TMEM87A: variants seen among roughly 807,000 people sequenced by gnomAD.
TMEM87A encodes the protein transmembrane protein 87A, also known as Golgi-pH regulating cation channel.
A neutral mutation model predicts 90.0 loss-of-function variants in TMEM87A; 50 were observed. The ratio of observed to expected loss-of-function variants is 0.56; its 90% CI spans 0.44 to 0.70. TMEM87A has a LOEUF of 0.70. Among genes scored for constraint, TMEM87A ranks in the 30% least tolerant of loss-of-function variants. The probability of loss-of-function intolerance (pLI) is 0.00; values close to 1 mark genes in which losing one functional copy is unlikely to be tolerated. For missense variants in TMEM87A, 577 were observed against 660.5 expected (o/e 0.87, Z 1.39); for synonymous variants, 226 against 226.7 (o/e 1.00, Z 0.03).
intron 4 of TMEM87A, among the ~76,000 whole-genome samples, chr15:42,261,822 G>C (rs1450886267): frequency 2.0e-5 from 3 of 152,048 alleles, no homozygotes; most frequent in South Asian, 2.1e-4. Context: ...TTTTAGTAGA[G>C]ACAGGGTTTC....
chr15:42,223,328 G>A (rs1200875547), intron 15 of TMEM87A, among the ~76,000 whole-genome samples: 3 of 152,104 alleles, frequency 2.0e-5, no homozygotes, highest in South Asian at 2.1e-4. Flanking sequence ...AGGAGGTGGA[G>A]GTTGTAGTGG....
At chr15:42,220,194 C>T (rs2050451611) in intron 15 of TMEM87A, 59 bp from the exon 16 acceptor site, 1 of 1,296,412 alleles carries the variant, frequency 7.7e-7, no homozygotes, top group Non-Finnish European at 1.1e-6. Flanking sequence ...ACTGCTATAC[C>T]AGTTGCATTT....
rs543303068 is a variant in TMEM87A, at chr15:42,236,136, A to T, written c.968+184T>A. On this transcript the variant is annotated intron_variant, in intron 10 of 19. Coordinates refer to ENST00000389834, the MANE Select transcript of TMEM87A (RefSeq NM_015497.5). ...ATTTGGAAGTATGGAATATATTTGG[A>T]AGTATGGAAAATGAAACACATTTTC... Among the ~76,000 whole-genome samples the T allele has an allele frequency of 1.8e-4, 28 of 152,306 alleles. No homozygotes were observed. The South Asian group carries it at 5.8e-3, about 32-fold the overall frequency.
At chr15:42,242,568 A>AAGAGAG (rs970801330) in intron 7 of TMEM87A, among the ~76,000 whole-genome samples, 2 of 145,632 alleles carry the variant, frequency 1.4e-5, no homozygotes, top group African/African-American at 5.6e-5. Flanking sequence ...GAGGAAGAGA[A>AAGAGAG]AGAGAGAGAG....
At chr15:42,227,912 T>C (rs2050625249) in intron 13 of TMEM87A, 143 bp from the exon 14 acceptor site, 1 of 697,832 alleles carries the variant, frequency 1.4e-6, no homozygotes, top group Non-Finnish European at 2.5e-6. Context: ...TTAACAAATG[T>C]ATTCAATACA....
chr15:42,258,251 T>A, intron 6 of TMEM87A: 1 of 776,482 alleles, frequency 1.3e-6, no homozygotes, highest in Non-Finnish European at 1.6e-6. Flanking sequence ...ATATAATACA[T>A]ACTCTAAGAT....
At chr15:42,213,824 GA>G (rs1174252424) in intron 19 of TMEM87A, among the ~76,000 whole-genome samples, 1 of 151,782 alleles carries the variant, frequency 6.6e-6, no homozygotes, top group Non-Finnish European at 1.5e-5. Context: ...CCAACACAAA[GA>G]ATTAAGGAAA....
intron 6 of TMEM87A, among the ~76,000 whole-genome samples, chr15:42,245,807 A>C (rs947217923): frequency 6.6e-6 from 1 of 152,106 alleles, no homozygotes; most frequent in Admixed American, 6.5e-5. Flanking sequence ...GCTAGGATTA[A>C]GGTGTGAGCT....
chr15:42,273,341 G>A lies in TMEM87A; in HGVS notation c.58C>T (p.His20Tyr), dbSNP rs1430017121. ...LPVILLLLGAHPSPLSFFSAG... is the reference protein window; with the variant it reads ...LPVILLLLGAYPSPLSFFSAG... ...CTGAAAAACGACAGTGGTGACGGGT[G>A]AGCTCCCAGAAGCAGAAGAATGACA... The change falls in exon 1 of 20, where the codon CAC becomes TAC. Residue 20 changes from histidine (H) to tyrosine (Y), a missense_variant. Coordinates refer to ENST00000389834, the MANE Select transcript of TMEM87A (RefSeq NM_015497.5). 6.2e-7 allele frequency: 1 copy of A among 1,614,150 alleles called. No individual in the cohort carries two copies. Among genetic ancestry groups the A allele is most frequent in the Non-Finnish European group, 8.5e-7 (1 of 1,180,040 alleles).
intron 6 of TMEM87A, among the ~76,000 whole-genome samples, chr15:42,247,095 T>C (rs1374318475): frequency 6.6e-6 from 1 of 152,214 alleles, no homozygotes; most frequent in Non-Finnish European, 1.5e-5. Context: ...AACGTCTTCT[T>C]CTGAAAAGTG....
chr15:42,267,502 A>G (rs1452690471), intron 3 of TMEM87A, among the ~76,000 whole-genome samples: 1 of 152,222 alleles, frequency 6.6e-6, no homozygotes, highest in Non-Finnish European at 1.5e-5. Flanking sequence ...AAATTATTGC[A>G]ACAGACTGAG....
At position 42,257,898 on chromosome 15, in the gene TMEM87A, A is replaced by T. The variant is rs375013017; in HGVS notation, c.504+3060T>A. 6.1e-6 allele frequency: 6 copies of T among 983,924 alleles called. No homozygotes were observed. The African/African-American group carries it at 1.0e-4, about 17-fold the overall frequency. The allele number at this position is 983,924 out of a possible 1,614,324, so 60.9% of individuals were successfully genotyped here. ...TATGATCTTATTTTGGTTAATATGC[A>T]TGTGCTCTGTGTAATCACACCAAAC... On this transcript the variant is annotated intron_variant, in intron 6 of 19. Coordinates refer to ENST00000389834, the MANE Select transcript of TMEM87A (RefSeq NM_015497.5).
intron 6 of TMEM87A, among the ~76,000 whole-genome samples, chr15:42,245,926 C>A (rs1364341983): frequency 2.0e-5 from 3 of 152,180 alleles, no homozygotes; most frequent in Non-Finnish European, 4.4e-5. Context: ...ATAAAATTCA[C>A]AATTTTAATG....
At chr15:42,273,452 C>T (rs1274883216), upstream of TMEM87A, 3 of 1,605,758 alleles carry the variant, frequency 1.9e-6, no homozygotes, top group Non-Finnish European at 2.5e-6. Context: ...CCGGTTCGTC[C>T]CGCCTTCTTC....
intron 2 of TMEM87A, among the ~76,000 whole-genome samples, chr15:42,270,238 C>A (rs992103241): frequency 6.6e-6 from 1 of 151,794 alleles, no homozygotes; most frequent in Non-Finnish European, 1.5e-5. Context: ...GGCGTGGTGG[C>A]ACGCGCCTAT....
chr15:42,245,519 AC>A (rs1404969691), intron 6 of TMEM87A, among the ~76,000 whole-genome samples: 4 of 138,554 alleles, frequency 2.9e-5, no homozygotes. Context: ...GACATTTATT[AC>A]TTTTTTTTTT....
chr15:42,216,219 C>T (rs993237324), intron 19 of TMEM87A, among the ~76,000 whole-genome samples: 4 of 151,960 alleles, frequency 2.6e-5, no homozygotes, highest in Admixed American at 6.5e-5. Flanking sequence ...GGATGCCAGG[C>T]GCTGAGGGAG....
intron 3 of TMEM87A, among the ~76,000 whole-genome samples, chr15:42,267,530 G>C (rs1195425069): frequency 1.3e-5 from 2 of 152,078 alleles, no homozygotes; most frequent in African/African-American, 2.4e-5. Flanking sequence ...GGGAATATAA[G>C]AATACAGTGA....
intron 1 of TMEM87A, 185 bp downstream of exon 1, chr15:42,273,070 T>G (rs994504854): frequency 1.4e-6 from 1 of 724,504 alleles, no homozygotes; most frequent in African/African-American, 1.8e-5. Context: ...CCCGCTAGCC[T>G]AATCACAGAA....
Sources: allele counts gnomAD v4.1 joint callset (sites outside exome capture counted in the v4.1 genomes callset), GRCh38; gene constraint gnomAD v4.1.1; transcripts MANE v1.5; gene names NCBI Gene and HGNC (gene_info 2026-07-23, HGNC 2026-07-21).